SHCBP1L: variants seen among roughly 807,000 people sequenced by gnomAD.
The protein encoded by SHCBP1L is testicular spindle-associated protein SHCBP1L.
A neutral mutation model predicts 62.5 loss-of-function variants in SHCBP1L; 67 were observed. The ratio of observed to expected loss-of-function variants is 1.07; its 90% CI spans 0.88 to 1.31. The LOEUF (loss-of-function observed/expected upper bound fraction) is 1.31, where lower values mean the gene tolerates loss of function less well. SHCBP1L is among the 40% of genes most tolerant of loss of function. The pLI, the probability that SHCBP1L is intolerant of heterozygous loss-of-function variation, is 0.00. For missense variants in SHCBP1L, 823 were observed against 809.8 expected, an observed-to-expected ratio of 1.02 and a Z score of -0.20; for synonymous variants, 284 against 289.4, an observed-to-expected ratio of 0.98 and a Z score of 0.19.
At chr1:182,931,736 C>A (rs1211942070) in intron 5 of SHCBP1L, among the ~76,000 whole-genome samples, 1 of 152,056 alleles carries the variant, frequency 6.6e-6, no homozygotes, top group African/African-American at 2.4e-5. Flanking sequence ...GTGGTACACT[C>A]GTTACAACCG....
rs796513980 is a variant in SHCBP1L, at chr1:182,913,658, C to T, written c.1183-8009G>A. The stretch of plus-strand genomic sequence containing the variant: ...AGTAAGATAAACACAAAGAAACACA[C>T]ATTAACAAATATTATAATCAAACAA... On this transcript the variant is annotated intron_variant, in intron 6 of 9. Transcript: ENST00000367547. Among the ~76,000 whole-genome samples the T allele has an allele frequency of 3.3e-5, 5 of 152,256 alleles. 1 individual carries two copies. The highest frequency in any genetic ancestry group is 1.2e-4 in the African/African-American group (5 of 41,540).
At chr1:182,901,315 G>C (rs1230301860) in intron 9 of SHCBP1L, among the ~76,000 whole-genome samples, 1 of 152,156 alleles carries the variant, frequency 6.6e-6, no homozygotes, top group African/African-American at 2.4e-5. Flanking sequence ...AAATTAGCTG[G>C]GCGTGGTGGC....
intron 6 of SHCBP1L, among the ~76,000 whole-genome samples, chr1:182,919,946 C>T (rs1262166125): frequency 6.6e-6 from 1 of 152,092 alleles, no homozygotes; most frequent in African/African-American, 2.4e-5. Context: ...TACAGGCAGA[C>T]GTCACCACCC....
chr1:182,903,158 C>A lies in SHCBP1L; in HGVS notation c.1591G>T (p.Ala531Ser). Residue 531 changes from alanine to serine, a missense_variant, in exon 9 of 10, where the codon GCT becomes TCT. Coordinates refer to ENST00000367547, the MANE Select transcript of SHCBP1L (RefSeq NM_030933.4). The stretch of plus-strand genomic sequence containing the variant: ...CTTCCAGGATACAGTTCAACACCAG[C>A]ACCCTGTAAATTAAAAGCAAATAAA... ...TDSEITGAQGAGVELYPGSIA... is the reference protein window; with the variant it reads ...TDSEITGAQGSGVELYPGSIA... 2 of 1,543,200 alleles carry A rather than the reference C, an allele frequency of 1.3e-6. No individual in the cohort carries two copies. The highest frequency in any genetic ancestry group is 1.4e-5 in the African/African-American group (1 of 72,208).
chr1:182,904,634 C>T (rs1331404513), intron 7 of SHCBP1L, among the ~76,000 whole-genome samples: 1 of 151,894 alleles, frequency 6.6e-6, no homozygotes, highest in South Asian at 2.1e-4. Flanking sequence ...GTCTCGAACT[C>T]CTGGGCTCAA....
chr1:182,926,762 G>A (rs1650763592), intron 6 of SHCBP1L, among the ~76,000 whole-genome samples: 1 of 151,932 alleles, frequency 6.6e-6, no homozygotes, highest in Non-Finnish European at 1.5e-5. Flanking sequence ...CCTAGATCTG[G>A]GAGAATGACT....
intron 6 of SHCBP1L, among the ~76,000 whole-genome samples, 167 bp from the exon 7 acceptor site, chr1:182,905,816 T>G (rs1649994101): frequency 1.3e-5 from 2 of 152,226 alleles, no homozygotes; most frequent in African/African-American, 4.8e-5. Context: ...AATATTGAAA[T>G]AAAATGTTTC....
intron 5 of SHCBP1L, among the ~76,000 whole-genome samples, chr1:182,932,119 T>C (rs1443026041): frequency 6.6e-6 from 1 of 152,006 alleles, no homozygotes; most frequent in African/African-American, 2.4e-5. Context: ...CTTTTTCTTT[T>C]TAGTGCTGAA....
rs1650359400 is a variant in SHCBP1L at position 182,916,500 on chromosome 1, A to G, written c.1183-10851T>C. ...AGGAGGCACAAACAACTAAAATCAG[A>G]TATGAAGGTAGATACATTACTACTG... On this transcript the variant is annotated intron_variant, in intron 6 of 9. Coordinates refer to ENST00000367547, the MANE Select transcript of SHCBP1L (RefSeq NM_030933.4). 2.0e-5 allele frequency among the ~76,000 whole-genome samples: 3 copies of G among 152,170 alleles called. No homozygotes were observed. The East Asian group carries it at 5.8e-4, about 29-fold the overall frequency.
At chr1:182,908,868 A>G (rs1172417450) in intron 6 of SHCBP1L, among the ~76,000 whole-genome samples, 2 of 152,228 alleles carry the variant, frequency 1.3e-5, no homozygotes, top group Admixed American at 6.5e-5. Context: ...CATAAACAAA[A>G]CAACATGGGA....
chr1:182,904,534 C>CGTGTGTGTGTGTGT (rs61031217), intron 7 of SHCBP1L, 104 bp from the exon 8 acceptor site: 3 of 598,754 alleles, frequency 5.0e-6, no homozygotes, highest in African/African-American at 2.0e-5. Context: ...TCCCTGTGTG[C>CGTGTGTGTGTGTGT]GTGTGTGTGT....
intron 7 of SHCBP1L, 66 bp from the exon 8 acceptor site, chr1:182,904,496 T>C: frequency 6.5e-7 from 1 of 1,533,002 alleles, no homozygotes. Flanking sequence ...TTATTGTCAT[T>C]CAACAATACT....
rs1263661648 is a variant in SHCBP1L, at chr1:182,905,646, T to G, written c.1186A>C (p.Lys396Gln). The change falls in exon 7 of 10, where the codon AAG (lysine) becomes CAG (glutamine). Residue 396 changes from lysine (K) to glutamine (Q), a missense_variant. By Grantham distance (53) the Lys-to-Gln change is moderately conservative. Transcript: ENST00000367547. ...AGAAGTGTGTCTGAAGATAAATCCT[T>G]TATCTAAAAAGAAATAAAACACTTG... is the stretch of plus-strand genomic sequence containing the variant. ...VAKMMTTEMI[K>Q]DLSSDTLLQQ... 6.2e-7 allele frequency: 1 copy of G among 1,609,152 alleles called. No individual in the cohort carries two copies. The highest frequency in any genetic ancestry group is 1.1e-5 in the South Asian group (1 of 89,958).
chr1:182,952,466 G>A, intron 1 of SHCBP1L: 2 of 427,702 alleles, frequency 4.7e-6, no homozygotes, highest in Non-Finnish European at 8.2e-6. Context: ...TTTTTTAGGA[G>A]CTCTCAGAAA....
chr1:182,943,814 G>C (rs1323842291), intron 2 of SHCBP1L, among the ~76,000 whole-genome samples: 37 of 149,346 alleles, frequency 2.5e-4, no homozygotes, highest in Non-Finnish European at 1.5e-5. Context: ...GCTGTACCAG[G>C]TTTGTTATGA....
intron 6 of SHCBP1L, among the ~76,000 whole-genome samples, chr1:182,918,171 CATATATACATATATATACACAT>C (rs1299486642): frequency 5.3e-4 from 74 of 139,030 alleles, no homozygotes; most frequent in Admixed American, 1.8e-3. Context: ...TATATACACA[CATATATACATATATATACACAT>C]ATATATACAT....
intron 3 of SHCBP1L, 53 bp downstream of exon 3, chr1:182,940,276 C>T: frequency 6.8e-7 from 1 of 1,465,580 alleles, no homozygotes; most frequent in Non-Finnish European, 9.4e-7. Flanking sequence ...AAAACCTTCA[C>T]ATTAACTTTT....
chr1:182,930,912 G>A (rs1650978421), intron 5 of SHCBP1L, among the ~76,000 whole-genome samples: 1 of 138,666 alleles, frequency 7.2e-6, no homozygotes, highest in South Asian at 2.3e-4. Flanking sequence ...TTTTTTAAGA[G>A]GCAGGGTCTC....
chr1:182,924,297 A>ATTT lies in SHCBP1L; in HGVS notation c.1182+5347_1182+5349dup, dbSNP rs1216759641. Among the ~76,000 whole-genome samples the ATTT allele has an allele frequency of 1.7e-3, 229 of 137,434 alleles. 1 individual carries two copies. The highest frequency in any genetic ancestry group is 6.1e-3 in the African/African-American group (221 of 36,246). 90.2% of individuals were successfully genotyped at this position (137,434 alleles called of 152,430 possible). ...CCATGCTCAAGAATAAGAAGAATCA[A>ATTT]TTTTTTTTTTTTTTTTTTTGAGACG... On this transcript the variant is annotated intron_variant, in intron 6 of 9. Coordinates refer to ENST00000367547, the MANE Select transcript of SHCBP1L (RefSeq NM_030933.4).
Sources: allele counts gnomAD v4.1 joint callset (sites outside exome capture counted in the v4.1 genomes callset), GRCh38; gene constraint gnomAD v4.1.1; transcripts MANE v1.5; gene names NCBI Gene and HGNC (gene_info 2026-07-23, HGNC 2026-07-21).